The following EIF1AD variants were observed in gnomAD, a reference collection of about 807,000 sequenced individuals.
EIF1AD encodes eukaryotic translation initiation factor 1A domain containing, also known as probable RNA-binding protein EIF1AD.
EIF1AD carries 9 observed loss-of-function variants against 21.7 expected under a neutral mutation model. The observed-to-expected ratio is 0.41, with a 90% confidence interval of 0.25 to 0.72. The LOEUF (loss-of-function observed/expected upper bound fraction) is 0.72. Among genes scored for constraint, EIF1AD ranks in the 30% least tolerant of loss-of-function variants. The probability of loss-of-function intolerance (pLI) is 0.29; values close to 1 mark genes in which losing one functional copy is unlikely to be tolerated. For synonymous variants in EIF1AD, 78 were observed against 70.9 expected, an observed-to-expected ratio of 1.10 and a Z score of -0.50; for missense variants, 164 against 199.7, an observed-to-expected ratio of 0.82 and a Z score of 1.08.
At chr11:66,000,282 C>T in intron 2 of EIF1AD, 21 bp downstream of exon 2, 1 of 1,613,284 alleles carries the variant, frequency 6.2e-7, no homozygotes, top group Non-Finnish European at 8.5e-7. Context: ...AGCAGAACAG[C>T]TTGTGCCCCA....
At chr11:65,999,322 G>T (rs200017157) in intron 5 of EIF1AD, 28 bp downstream of exon 5, 2 of 1,614,072 alleles carry the variant, frequency 1.2e-6, no homozygotes, top group Non-Finnish European at 1.7e-6. Context: ...TATTTTCCAT[G>T]TACCCCACCC....
In EIF1AD at chr11:66,001,985, A is replaced by T. The variant is rs1047464; in HGVS notation, c.-192T>A. On this transcript the variant is annotated 5_prime_UTR_variant, in exon 1 of 6. Coordinates refer to ENST00000533544, the MANE Select transcript of EIF1AD (RefSeq NM_001242481.2). Reference sequence around the variant, plus strand: ...CGTCTAGGCTGGACGCTGAGAGAGGATCGTCCACGACTCACTTCAAGGCTG... The same window carrying T: ...CGTCTAGGCTGGACGCTGAGAGAGGTTCGTCCACGACTCACTTCAAGGCTG... The T allele has an allele frequency of 0.29, 43,609 of 151,992 alleles. 7,009 individuals are homozygous for T. The highest frequency in any genetic ancestry group is 0.41 in the Middle Eastern group (121 of 294). 9.4% of individuals were successfully genotyped at this position (151,992 alleles called of 1,614,324 possible).
intron 3 of EIF1AD, 154 bp from the exon 4 acceptor site, chr11:65,999,829 C>A: frequency 1.5e-6 from 1 of 663,690 alleles, no homozygotes; most frequent in Non-Finnish European, 2.6e-6. Context: ...GTTGCCCAGG[C>A]TGGCAAGCAA....
rs745828894 is a variant in EIF1AD at position 66,000,324 on chromosome 11, G to A, written c.66C>T (p.Ser22=). The stretch of plus-strand genomic sequence containing the variant: ...TCACCCTGACAATCTGCTGCTGGTC[G>A]GAGGGCACTATGTGCTCCCCTAGCA... ...KEVLGEHIVP[S]DQQQIVRVLR... The change falls in exon 2 of 6, where the codon TCC becomes TCT. Residue 22 remains serine (S), a synonymous_variant. Coordinates refer to ENST00000533544, the MANE Select transcript of EIF1AD (RefSeq NM_001242481.2). 9.9e-6 allele frequency: 16 copies of A among 1,613,308 alleles called. No homozygotes were observed. The highest frequency in any genetic ancestry group is 3.3e-5 in the South Asian group (3 of 90,938).
intron 4 of EIF1AD, 74 bp downstream of exon 4, chr11:65,999,493 C>T (rs1480514383): frequency 1.5e-5 from 24 of 1,601,764 alleles, no homozygotes; most frequent in Non-Finnish European, 2.0e-5. Context: ...CATGACCTTC[C>T]CTCCCCTAAT....
intron 1 of EIF1AD, 24 bp from the exon 2 acceptor site, chr11:66,000,529 G>A (rs1855907214): frequency 1.3e-6 from 1 of 762,928 alleles, no homozygotes; most frequent in Admixed American, 2.4e-5. Context: ...CGGTGTCTTG[G>A]TTAAGAACAT....
At chr11:65,998,891 G>A in intron 5 of EIF1AD, 148 bp from the exon 6 acceptor site, 1 of 869,224 alleles carries the variant, frequency 1.2e-6, no homozygotes, top group Non-Finnish European at 1.8e-6. Flanking sequence ...ACACAGGAGA[G>A]CAAACAGTGG....
rs1399808953 is a variant in EIF1AD at position 65,998,511 on chromosome 11, G to A, written c.*88C>T. The A allele has an allele frequency of 6.0e-6, 9 of 1,508,622 alleles. No homozygotes were observed. In the African/African-American group the frequency reaches 6.9e-5, roughly 12 times the overall value. The allele number at this position is 1,508,622 out of a possible 1,614,324, so 93.5% of individuals were successfully genotyped here. On this transcript the variant is annotated 3_prime_UTR_variant, in exon 6 of 6. Transcript: ENST00000533544. ...CCCTGCTTTGTCCTCATGCAGGGGT[G>A]AAGATGTGCAGAGCACCCTGGGAAT... is the stretch of plus-strand genomic sequence containing the variant.
In EIF1AD at chr11:65,998,510, T is replaced by C; in HGVS notation, c.*89A>G. On this transcript the variant is annotated 3_prime_UTR_variant, in exon 6 of 6. Coordinates refer to ENST00000533544, the MANE Select transcript of EIF1AD (RefSeq NM_001242481.2). ...GCCCTGCTTTGTCCTCATGCAGGGG[T>C]GAAGATGTGCAGAGCACCCTGGGAA... 8 of 1,502,630 alleles carry C rather than the reference T, an allele frequency of 5.3e-6. No homozygotes were observed. The highest frequency in any genetic ancestry group is 7.2e-6 in the Non-Finnish European group (8 of 1,109,052). The allele number at this position is 1,502,630 out of a possible 1,614,324, so 93.1% of individuals were successfully genotyped here. A position where few individuals can be genotyped will look rare whatever the true frequency, so the allele number is the denominator to read the frequency against.
rs35497370 is a variant in EIF1AD at position 66,000,107 on chromosome 11, G to C, written c.142C>G (p.Arg48Gly). 6.2e-7 allele frequency: 1 copy of C among 1,614,098 alleles called. No homozygotes were observed. Among genetic ancestry groups the C allele is most frequent in the African/African-American group, 1.3e-5 (1 of 75,036 alleles). The change falls in exon 3 of 6, where the codon CGC becomes GGC. Residue 48 changes from arginine to glycine, a missense_variant. Physicochemically the swap from Arg to Gly is moderately radical, Grantham distance 125. Transcript: ENST00000533544. ...TTGGAGGGCATGCTCACCAGGAAGCGCTGCCCTTGGGCTGTCTCCACCTCA... is the reference window on the plus strand; with the variant it reads ...TTGGAGGGCATGCTCACCAGGAAGCCCTGCCCTTGGGCTGTCTCCACCTCA... ...LHEVETAQGQ[R>G]FLVSMPSKYR... is the part of the protein sequence containing the mutation.
Position 66,000,161 on chromosome 11 carries a change from C to T in EIF1AD, c.88G>A (p.Val30Ile). ...VPSDQQQIVR[V>I]LRTPGNNLHE... is the part of the protein sequence containing the mutation. ...AGATTGTTCCCTGGGGTCCTGAGTACCTGGTTCAGGAGAGACCAAGAATCA... is the reference window on the plus strand; with the variant it reads ...AGATTGTTCCCTGGGGTCCTGAGTATCTGGTTCAGGAGAGACCAAGAATCA... The change falls in exon 3 of 6, where the codon GTA becomes ATA. Residue 30 changes from valine to isoleucine, a missense_variant and splice_region_variant. By Grantham distance (29) the Val-to-Ile change is conservative (BLOSUM62 3). Coordinates refer to ENST00000533544, the MANE Select transcript of EIF1AD (RefSeq NM_001242481.2). The T allele has an allele frequency of 1.2e-6, 2 of 1,612,804 alleles. No individual in the cohort carries two copies. Among genetic ancestry groups the T allele is most frequent in the Non-Finnish European group, 1.7e-6 (2 of 1,178,814 alleles).
intron 1 of EIF1AD, among the ~76,000 whole-genome samples, chr11:66,001,336 A>C (rs1436374192): frequency 1.3e-5 from 2 of 151,928 alleles, no homozygotes; most frequent in African/African-American, 4.8e-5. Context: ...GCCGGGCGTG[A>C]TGACGAGCGC....
chr11:65,999,389 G>C lies in EIF1AD; in HGVS notation c.314C>G (p.Ala105Gly). The C allele has an allele frequency of 1.2e-6, 2 of 1,614,250 alleles. 1 individual carries two copies. Among genetic ancestry groups the C allele is most frequent in the South Asian group, 2.2e-5 (2 of 91,090 alleles). The part of the protein sequence containing the change: ...SLQKEGFWPE[A>G]FSEVAEKHNN... ...GTGTTTCTCAGCCACTTCAGAGAAG[G>C]CCTCAGGCCTATGCCAAGAGATGAG... The change falls in exon 5 of 6, where the codon GCC becomes GGC. Residue 105 changes from alanine (A) to glycine (G), a missense_variant. Transcript: ENST00000533544.
Position 65,998,759 on chromosome 11 carries a change from A to G in EIF1AD, c.354-16T>C. Reference sequence around the variant, plus strand: ...TTGAGTTTGTCTGCACGAAGGGAAGAGAGCAGGGTTAGCCCAGCGCCTTCT... The same window carrying G: ...TTGAGTTTGTCTGCACGAAGGGAAGGGAGCAGGGTTAGCCCAGCGCCTTCT... On this transcript the variant is annotated splice_polypyrimidine_tract_variant and intron_variant, in intron 5 of 5. Coordinates refer to ENST00000533544, the MANE Select transcript of EIF1AD (RefSeq NM_001242481.2). 6.2e-7 allele frequency: 1 copy of G among 1,613,644 alleles called. No individual in the cohort carries two copies. Among genetic ancestry groups the G allele is most frequent in the South Asian group, 1.1e-5 (1 of 91,028 alleles).
rs1381924596 is a variant in EIF1AD at position 65,997,431 on chromosome 11, T to C, written c.*1168A>G. ...GATATGTGCACATCTGCAGAGCTGGTAACAGGGAGGCAGGCATTCCCTCTG... is the reference window on the plus strand; with the variant it reads ...GATATGTGCACATCTGCAGAGCTGGCAACAGGGAGGCAGGCATTCCCTCTG... On this transcript the variant is annotated 3_prime_UTR_variant, in exon 6 of 6. Coordinates refer to ENST00000533544, the MANE Select transcript of EIF1AD (RefSeq NM_001242481.2). 6.6e-6 allele frequency: 1 copy of C among 151,878 alleles called. No individual in the cohort carries two copies. The highest frequency in any genetic ancestry group is 1.5e-5 in the Non-Finnish European group (1 of 68,000). The allele number at this position is 151,878 out of a possible 1,614,324, so 9.4% of individuals were successfully genotyped here. A position where few individuals can be genotyped will look rare whatever the true frequency, so the allele number is the denominator to read the frequency against.
chr11:65,997,471 T>C lies in EIF1AD; in HGVS notation c.*1128A>G, dbSNP rs1855768544. Reference sequence around the variant, plus strand: ...CATTCCCTCTGATGGTTGCTGTTTCTTAATGAGGCATGTGTTGTGGTAACT... The same window carrying C: ...CATTCCCTCTGATGGTTGCTGTTTCCTAATGAGGCATGTGTTGTGGTAACT... On this transcript the variant is annotated 3_prime_UTR_variant, in exon 6 of 6. Transcript: ENST00000533544. 6.6e-6 allele frequency: 1 copy of C among 152,234 alleles called. No homozygotes were observed. The highest frequency in any genetic ancestry group is 1.5e-5 in the Non-Finnish European group (1 of 68,052). The allele number at this position is 152,234 out of a possible 1,614,324, so 9.4% of individuals were successfully genotyped here. A position where few individuals can be genotyped will look rare whatever the true frequency, so the allele number is the denominator to read the frequency against.
chr11:65,998,262 C>T lies in EIF1AD; in HGVS notation c.*337G>A, dbSNP rs115177326. Reference sequence around the variant, plus strand: ...GGCCCAGAGCACGGCCTGGCACTTTCTAAGTGCCCAATAAGAAAGAACAAA... The same window carrying T: ...GGCCCAGAGCACGGCCTGGCACTTTTTAAGTGCCCAATAAGAAAGAACAAA... On this transcript the variant is annotated 3_prime_UTR_variant, in exon 6 of 6. Coordinates refer to ENST00000533544, the MANE Select transcript of EIF1AD (RefSeq NM_001242481.2). The T allele has an allele frequency of 5.0e-3, 992 of 197,402 alleles. 9 individuals carry two copies. The highest frequency in any genetic ancestry group is 0.021 in the African/African-American group (903 of 42,654). The allele number at this position is 197,402 out of a possible 1,614,324, so 12.2% of individuals were successfully genotyped here. A position where few individuals can be genotyped will look rare whatever the true frequency, so the allele number is the denominator to read the frequency against.
rs1259024093 is a variant in EIF1AD, at chr11:65,998,637, C to G, written c.460G>C (p.Glu154Gln). 4.3e-6 allele frequency: 7 copies of G among 1,614,036 alleles called. No homozygotes were observed. Among genetic ancestry groups the G allele is most frequent in the Non-Finnish European group, 5.9e-6 (7 of 1,180,044 alleles). The change falls in exon 6 of 6, where the codon GAG becomes CAG. Residue 154 changes from glutamate to glutamine, a missense_variant. Transcript: ENST00000533544. ...FVNTNRRQYH[E>Q]SEEESEEEEA... ...TCCTCTTCACTCTCCTCCTCACTCTCATGATACTGTCTGCGGTTTGTGTTA... is the reference window on the plus strand; with the variant it reads ...TCCTCTTCACTCTCCTCCTCACTCTGATGATACTGTCTGCGGTTTGTGTTA...
intron 2 of EIF1AD, 60 bp from the exon 3 acceptor site, chr11:66,000,221 C>G: frequency 6.2e-7 from 1 of 1,606,732 alleles, no homozygotes; most frequent in East Asian, 2.2e-5. Context: ...CTCTCAGACA[C>G]GCTGCACCCT....
Sources: allele counts gnomAD v4.1 joint callset (sites outside exome capture counted in the v4.1 genomes callset), GRCh38; gene constraint gnomAD v4.1.1; transcripts MANE v1.5; gene names NCBI Gene and HGNC (gene_info 2026-07-23, HGNC 2026-07-21).